Variants in SNTG1 observed in about 807,000 individuals in gnomAD.
SNTG1 encodes syntrophin gamma 1, also known as gamma-1-syntrophin.
SNTG1 carries 39 observed loss-of-function variants against 74.7 expected under a neutral mutation model. The ratio of observed to expected loss-of-function variants is 0.52; its 90% CI spans 0.40 to 0.68. The LOEUF is 0.68. SNTG1 is among the 30% of genes least tolerant of loss of function. The pLI is 0.00. For synonymous variants in SNTG1, 254 were observed against 217.1 expected (o/e 1.17, Z -1.49); for missense variants, 685 against 609.5 (o/e 1.12, Z -1.30).
At chr8:50,598,943 A>C (rs1248056623) in intron 13 of SNTG1, among the ~76,000 whole-genome samples, 1 of 152,060 alleles carries the variant, frequency 6.6e-6, no homozygotes, top group African/African-American at 2.4e-5. Flanking sequence ...AAAGTCATTC[A>C]TTAGTTATAA....
intron 1 of SNTG1, among the ~76,000 whole-genome samples, chr8:49,934,881 GA>G (rs35983107): frequency 4.1e-4 from 62 of 150,412 alleles, no homozygotes; most frequent in African/African-American, 1.4e-3. Flanking sequence ...GCAACCTGGA[GA>G]AAAAAAAATG....
intron 1 of SNTG1, among the ~76,000 whole-genome samples, chr8:50,016,215 A>C (rs1816300313): frequency 6.6e-6 from 1 of 152,110 alleles, no homozygotes; most frequent in African/African-American, 2.4e-5. Context: ...GCTGGTAGTC[A>C]CCAGTTTTCA....
At chr8:49,957,498 T>A (rs1810282971) in intron 1 of SNTG1, among the ~76,000 whole-genome samples, 1 of 152,162 alleles carries the variant, frequency 6.6e-6, no homozygotes, top group South Asian at 2.1e-4. Flanking sequence ...GGTAAGTGTG[T>A]CATGATTAGT....
At chr8:50,604,766 T>C (rs75445535) in intron 13 of SNTG1, among the ~76,000 whole-genome samples, 7,664 of 152,186 alleles carry the variant, frequency 0.05, 359 homozygotes, top group African/African-American at 0.12. Context: ...TTCTAGGGTG[T>C]GAGACAAAGT....
intron 1 of SNTG1, among the ~76,000 whole-genome samples, chr8:50,043,074 T>C (rs1818780378): frequency 6.6e-6 from 1 of 152,232 alleles, no homozygotes; most frequent in African/African-American, 2.4e-5. Context: ...TTCCCTTCCC[T>C]CTGTTATTTT....
chr8:50,339,127 C>G (rs1488010285), intron 2 of SNTG1, among the ~76,000 whole-genome samples: 1 of 151,914 alleles, frequency 6.6e-6, no homozygotes, highest in African/African-American at 2.4e-5. Flanking sequence ...AAAGAAGAAA[C>G]AAGTGGAGTG....
rs543917555 is a variant in SNTG1, at chr8:50,586,355, G to A, written c.811-4524G>A. Among the ~76,000 whole-genome samples the A allele has an allele frequency of 1.5e-3, 235 of 152,188 alleles. 1 individual carries two copies. Among genetic ancestry groups the A allele is most frequent in the African/African-American group, 5.4e-3 (225 of 41,506 alleles). ...ATTTGATAATTAATGATCTGTCTGAGGATATTTAGTAATAATTACAACTGG... is the reference window on the plus strand; with the variant it reads ...ATTTGATAATTAATGATCTGTCTGAAGATATTTAGTAATAATTACAACTGG... On this transcript the variant is annotated intron_variant, in intron 12 of 18. Transcript: ENST00000642720.
intron 1 of SNTG1, among the ~76,000 whole-genome samples, chr8:49,917,990 A>G (rs1205766441): frequency 2.0e-5 from 3 of 152,178 alleles, no homozygotes; most frequent in Non-Finnish European, 4.4e-5. Context: ...CATGTAGCGA[A>G]ACAGACTACA....
intron 13 of SNTG1, among the ~76,000 whole-genome samples, chr8:50,601,183 A>AAAAAAAAAAAAAC (rs2094772210): frequency 7.5e-6 from 1 of 133,812 alleles, no homozygotes; most frequent in Admixed American, 7.8e-5. Context: ...AAAAAAAAAA[A>AAAAAAAAAAAAAC]AGACATGTTA....
At chr8:50,419,135 A>T (rs1208883852) in intron 4 of SNTG1, among the ~76,000 whole-genome samples, 3 of 152,160 alleles carry the variant, frequency 2.0e-5, no homozygotes, top group Non-Finnish European at 4.4e-5. Flanking sequence ...AATATCCCAG[A>T]TTGGTTACAG....
intron 1 of SNTG1, among the ~76,000 whole-genome samples, chr8:49,932,852 A>G (rs1293717883): frequency 6.6e-6 from 1 of 152,192 alleles, no homozygotes; most frequent in Non-Finnish European, 1.5e-5. Flanking sequence ...GACATTTAAT[A>G]TAAATGAAGT....
chr8:50,187,216 C>T (rs887568515), intron 2 of SNTG1, among the ~76,000 whole-genome samples: 1 of 152,014 alleles, frequency 6.6e-6, no homozygotes, highest in Non-Finnish European at 1.5e-5. Flanking sequence ...CAAGACAATC[C>T]CATGTCAAAA....
At chr8:50,266,397 G>A (rs1049039451) in intron 2 of SNTG1, among the ~76,000 whole-genome samples, 1 of 151,876 alleles carries the variant, frequency 6.6e-6, no homozygotes, top group Non-Finnish European at 1.5e-5. Flanking sequence ...AATGAATGAA[G>A]TTGGATCATG....
At chr8:50,198,929 C>T (rs1019979500) in intron 2 of SNTG1, among the ~76,000 whole-genome samples, 13 of 152,106 alleles carry the variant, frequency 8.5e-5, no homozygotes, top group African/African-American at 2.4e-4. Flanking sequence ...TAAATGTGAT[C>T]CTGGTCACAC....
intron 4 of SNTG1, among the ~76,000 whole-genome samples, chr8:50,409,070 C>T (rs1281346930): frequency 2.0e-5 from 3 of 152,118 alleles, no homozygotes; most frequent in Non-Finnish European, 4.4e-5. Context: ...GGGCTTAAAC[C>T]TGCTCATCAC....
intron 13 of SNTG1, among the ~76,000 whole-genome samples, chr8:50,609,487 G>T (rs2094835421): frequency 6.6e-6 from 1 of 152,022 alleles, no homozygotes; most frequent in Non-Finnish European, 1.5e-5. Context: ...TCTTCCAGAA[G>T]TTTAATATTC....
At chr8:50,727,898 T>G (rs2131610872) in intron 17 of SNTG1, among the ~76,000 whole-genome samples, 1 of 152,264 alleles carries the variant, frequency 6.6e-6, no homozygotes, top group African/African-American at 2.4e-5. Flanking sequence ...TACCTCCTGA[T>G]TGTGTTAAGG....
At chr8:50,033,190 G>A (rs1325202961) in intron 1 of SNTG1, among the ~76,000 whole-genome samples, 1 of 150,774 alleles carries the variant, frequency 6.6e-6, no homozygotes, top group Non-Finnish European at 1.5e-5. Flanking sequence ...ATGGCACTAT[G>A]TCAGCTCACC....
intron 4 of SNTG1, among the ~76,000 whole-genome samples, chr8:50,431,385 T>C (rs945294949): frequency 5.3e-5 from 8 of 152,320 alleles, no homozygotes; most frequent in Non-Finnish European, 1.2e-4. Flanking sequence ...TGCTCATTTT[T>C]AAAATTATTC....
Sources: allele counts gnomAD v4.1 joint callset (sites outside exome capture counted in the v4.1 genomes callset), GRCh38; gene constraint gnomAD v4.1.1; transcripts MANE v1.5; gene names NCBI Gene and HGNC (gene_info 2026-07-23, HGNC 2026-07-21).